The following PGPEP1 variants were observed in gnomAD, a reference collection of about 807,000 sequenced individuals.
The protein encoded by PGPEP1 is pyroglutamyl-peptidase 1.
In PGPEP1, 15 loss-of-function variants were observed where a neutral mutation model predicts 24.1. The observed-to-expected ratio is 0.62, with a 90% CI of 0.42 to 0.96. The LOEUF (loss-of-function observed/expected upper bound fraction) is 0.96, where lower values mean the gene tolerates loss of function less well. Ranked by LOEUF, PGPEP1 falls within the 40% of genes least tolerant of loss-of-function variation. The probability of loss-of-function intolerance (pLI) is 0.00; values close to 1 mark genes in which losing one functional copy is unlikely to be tolerated. For synonymous variants in PGPEP1, 122 were observed against 116.4 expected (o/e 1.05, Z -0.31); for missense variants, 242 against 273.4 (o/e 0.89, Z 0.81).
Position 18,357,403 on chromosome 19 carries a change from G to A in PGPEP1, c.225G>A (p.Val75=), listed in dbSNP as rs769948016. 11 of 1,613,726 alleles carry A rather than the reference G, an allele frequency of 6.8e-6. No individual in the cohort carries two copies. The South Asian group carries it at 1.1e-4, about 16-fold the overall frequency. ...TGCAGCTGGTGGTGCATGTGGGGGT[G>A]TCAGGCATGGCGACCACAGTCACAC... ...HSPQLVVHVG[V]SGMATTVTLE... The change falls in exon 4 of 5, where the codon GTG becomes GTA. Residue 75 remains valine, a synonymous_variant. Transcript: ENST00000269919.
At chr19:18,346,629 CTCTCTT>C (rs1970852715) in intron 2 of PGPEP1, among the ~76,000 whole-genome samples, 1 of 124,336 alleles carries the variant, frequency 8.0e-6, no homozygotes, top group African/African-American at 2.9e-5. Context: ...GTGTCTGTTT[CTCTCTT>C]TTTTTTTTTT....
rs1422051065 is a variant in PGPEP1, at chr19:18,340,612, A to G, written c.-70A>G. Reference sequence around the variant, plus strand: ...AGGGGCGTGGCCTCGCGCGGCCGAGAGGCTGCAGCGGCAGCAGCTGTCGCG... The same window carrying G: ...AGGGGCGTGGCCTCGCGCGGCCGAGGGGCTGCAGCGGCAGCAGCTGTCGCG... On this transcript the variant is annotated 5_prime_UTR_variant, in exon 1 of 5. Coordinates refer to ENST00000269919, the MANE Select transcript of PGPEP1 (RefSeq NM_017712.4). 2.5e-5 allele frequency: 36 copies of G among 1,414,696 alleles called. No homozygotes were observed. Among genetic ancestry groups the G allele is most frequent in the Non-Finnish European group, 3.3e-5 (35 of 1,057,510 alleles). 87.6% of individuals were successfully genotyped at this position (1,414,696 alleles called of 1,614,324 possible).
In PGPEP1 at chr19:18,363,530, T is replaced by C. The variant is rs772652465; in HGVS notation, c.577T>C (p.Leu193=). 2 of 1,614,106 alleles carry C rather than the reference T, an allele frequency of 1.2e-6. No homozygotes were observed. The highest frequency in any genetic ancestry group is 1.1e-5 in the South Asian group (1 of 91,076). Residue 193 remains leucine, a synonymous_variant, in exon 5 of 5, where the codon TTG becomes CTG. Transcript: ENST00000269919. The part of the protein sequence containing the change: ...RALRAIIEEM[L]DLLEQSEGKI... ...ACTGAGAGCCATCATTGAGGAGATG[T>C]TGGACCTCCTGGAGCAGTCAGAGGG...
At chr19:18,362,749 A>G (rs1971378506) in intron 4 of PGPEP1, among the ~76,000 whole-genome samples, 1 of 142,136 alleles carries the variant, frequency 7.0e-6, no homozygotes, top group Admixed American at 7.1e-5. Flanking sequence ...AAAAAAAGCC[A>G]GTGGTGGTGG....
At chr19:18,356,739 T>C (rs1015379435) in intron 3 of PGPEP1, among the ~76,000 whole-genome samples, 34 of 151,632 alleles carry the variant, frequency 2.2e-4, no homozygotes, top group Non-Finnish European at 4.7e-4. Context: ...AGAACAAGTC[T>C]CTTAAAAAAA....
At position 18,367,418 on chromosome 19, in the gene PGPEP1, A is replaced by T. The variant is rs1314398431; in HGVS notation, c.*3835A>T. On this transcript the variant is annotated 3_prime_UTR_variant, in exon 5 of 5. Transcript: ENST00000269919. Reference sequence around the variant, plus strand: ...GGGCTTCCCTGATGAGTCCTCATGGAGGGTGCTGAGGCAGGGAACAGGGGT... The same window carrying T: ...GGGCTTCCCTGATGAGTCCTCATGGTGGGTGCTGAGGCAGGGAACAGGGGT... 6.6e-6 allele frequency: 1 copy of T among 151,614 alleles called. No homozygotes were observed. Among genetic ancestry groups the T allele is most frequent in the East Asian group, 1.9e-4 (1 of 5,162 alleles). The allele number at this position is 151,614 out of a possible 1,614,324, so 9.4% of individuals were successfully genotyped here.
chr19:18,355,924 CG>C lies in PGPEP1; in HGVS notation c.118del (p.Val40TrpfsTer99). On this transcript the variant is annotated frameshift_variant, in exon 3 of 5. Transcript: ENST00000269919. LOFTEE classifies it high-confidence loss of function. Reference protein sequence around the residue: ...ELEKLGLGDSVDLHVYEIPVE... With the variant: ...ELEKLGLGDSXDLHVYEIPVE... ...TAGAAAAGCTAGGCCTTGGCGACAGCGTGGACCTGCATGTGTACGAGATTCC... is the reference window on the plus strand; with the variant it reads ...TAGAAAAGCTAGGCCTTGGCGACAGCTGGACCTGCATGTGTACGAGATTCC... 6.2e-7 allele frequency: 1 copy of C among 1,612,938 alleles called. No homozygotes were observed. Among genetic ancestry groups the C allele is most frequent in the Non-Finnish European group, 8.5e-7 (1 of 1,179,100 alleles).
At position 18,363,414 on chromosome 19, in the gene PGPEP1, A is replaced by C. The variant is rs758419747; in HGVS notation, c.461A>C (p.Tyr154Ser). ...AGRYLCDFTY[Y>S]TSLYQSHGRS... ...AGATATCTCTGCGACTTTACCTACT[A>C]CACCTCTTTGTACCAGAGTCACGGT... The change falls in exon 5 of 5, where the codon TAC becomes TCC. Residue 154 changes from tyrosine to serine, a missense_variant. Coordinates refer to ENST00000269919, the MANE Select transcript of PGPEP1 (RefSeq NM_017712.4). 4 of 1,611,818 alleles carry C rather than the reference A, an allele frequency of 2.5e-6. No individual in the cohort carries two copies. The highest frequency in any genetic ancestry group is 3.4e-6 in the Non-Finnish European group (4 of 1,178,370).
rs775581554 is a variant in PGPEP1, at chr19:18,357,598, C to T, written c.420C>T (p.Ile140=). 43 of 1,608,586 alleles carry T rather than the reference C, an allele frequency of 2.7e-5. No individual in the cohort carries two copies. Among genetic ancestry groups the T allele is most frequent in the Non-Finnish European group, 3.7e-5 (43 of 1,177,450 alleles). ...TGGGCCTGGATGTGTCGGTGACCAT[C>T]TCGCAGGATGCCGGCAGGTAGGGCC... is the stretch of plus-strand genomic sequence containing the variant. ...TTLGLDVSVT[I]SQDAGRYLCD... The change falls in exon 4 of 5, where the codon ATC becomes ATT. Residue 140 remains isoleucine (I), a synonymous_variant. Transcript: ENST00000269919.
At position 18,364,485 on chromosome 19, in the gene PGPEP1, G is replaced by GCACA. The variant is rs1971469618; in HGVS notation, c.*902_*903insCACA. ...AAAAATTAGCCGGGCATGGTGATGA[G>GCACA]TGCCTGTAGTCCCAGCTACTCGGGA... On this transcript the variant is annotated 3_prime_UTR_variant, in exon 5 of 5. Coordinates refer to ENST00000269919, the MANE Select transcript of PGPEP1 (RefSeq NM_017712.4). 6.6e-6 allele frequency: 1 copy of GCACA among 152,236 alleles called. No individual in the cohort carries two copies. The highest frequency in any genetic ancestry group is 1.5e-5 in the Non-Finnish European group (1 of 68,100). The allele number at this position is 152,236 out of a possible 1,614,324, so 9.4% of individuals were successfully genotyped here. A position where few individuals can be genotyped will look rare whatever the true frequency, so the allele number is the denominator to read the frequency against.
At chr19:18,352,228 C>A (rs1209070927) in intron 2 of PGPEP1, among the ~76,000 whole-genome samples, 1 of 132,400 alleles carries the variant, frequency 7.6e-6, no homozygotes, top group African/African-American at 2.9e-5. Flanking sequence ...GCCAAGATTG[C>A]GGCACGCCAG....
rs1411442586 is a variant in PGPEP1 at position 18,365,223 on chromosome 19, T to G, written c.*1640T>G. The G allele has an allele frequency of 1.3e-5, 2 of 152,016 alleles. No homozygotes were observed. The highest frequency in any genetic ancestry group is 2.9e-5 in the Non-Finnish European group (2 of 68,020). The allele number at this position is 152,016 out of a possible 1,614,324, so 9.4% of individuals were successfully genotyped here. On this transcript the variant is annotated 3_prime_UTR_variant, in exon 5 of 5. Transcript: ENST00000269919. The stretch of plus-strand genomic sequence containing the variant: ...GACCCCCACAGTGAAAGTAATTGAG[T>G]GAAATGCACGTTCTGGAAATCAGTT...
At chr19:18,356,243 G>A (rs1207396603) in intron 3 of PGPEP1, among the ~76,000 whole-genome samples, 2 of 151,948 alleles carry the variant, frequency 1.3e-5, no homozygotes, top group Admixed American at 1.3e-4. Flanking sequence ...AACCAGCCTG[G>A]GCAACATGGC....
At chr19:18,358,238 C>A (rs539410447) in intron 4 of PGPEP1, among the ~76,000 whole-genome samples, 1 of 148,892 alleles carries the variant, frequency 6.7e-6, no homozygotes, top group Non-Finnish European at 1.5e-5. Flanking sequence ...TAGGACTCAT[C>A]CTAATCCAGT....
rs1428342890 is a variant in PGPEP1 at position 18,346,865 on chromosome 19, C to T, written c.87+3954C>T. On this transcript the variant is annotated intron_variant, in intron 2 of 4. Transcript: ENST00000269919. ...ATGTTGGTCAGGCTGGTCTTGAACT[C>T]CCGACCTCAGGTGATTCGCCCACCT... Among the ~76,000 whole-genome samples the T allele has an allele frequency of 2.0e-5, 3 of 151,626 alleles. No individual in the cohort carries two copies. The East Asian group carries it at 5.8e-4, about 29-fold the overall frequency.
At chr19:18,355,012 A>G (rs1971138471) in intron 2 of PGPEP1, among the ~76,000 whole-genome samples, 1 of 121,622 alleles carries the variant, frequency 8.2e-6, no homozygotes, top group Non-Finnish European at 1.6e-5. Flanking sequence ...TCTGTCACCC[A>G]GGCTGGAGTG....
At chr19:18,358,910 G>A (rs953215277) in intron 4 of PGPEP1, among the ~76,000 whole-genome samples, 3 of 152,050 alleles carry the variant, frequency 2.0e-5, no homozygotes, top group Admixed American at 1.3e-4. Flanking sequence ...GCCACCAAAC[G>A]TGGCCCAAAT....
intron 4 of PGPEP1, chr19:18,361,574 C>T (rs906243533): frequency 4.2e-6 from 1 of 237,318 alleles, no homozygotes; most frequent in Non-Finnish European, 6.9e-6. Context: ...TGTGAGCCAC[C>T]ATACCCAGCT....
chr19:18,359,422 C>T (rs1162601323), intron 4 of PGPEP1, among the ~76,000 whole-genome samples: 1 of 152,052 alleles, frequency 6.6e-6, no homozygotes, highest in African/African-American at 2.4e-5. Context: ...TCCTCAAACA[C>T]ACCAAGTTCA....
Sources: gnomAD v4.1 joint callset for allele counts (sites outside exome capture counted in the v4.1 genomes callset) on GRCh38, gnomAD v4.1.1 for gene constraint, MANE v1.5 for transcripts, NCBI Gene and HGNC (gene_info 2026-07-23, HGNC 2026-07-21) for gene names.